The following CADM2 variants were observed in gnomAD, a reference collection of about 807,000 sequenced individuals.
CADM2 encodes the protein immunoglobulin superfamily member 4D.
Under a neutral mutation model 49.8 loss-of-function variants are expected in CADM2, and 12 were observed. The observed-to-expected ratio is 0.24, with a 90% confidence interval of 0.15 to 0.39. CADM2 has a LOEUF of 0.39. CADM2 is among the 10% of genes least tolerant of loss of function. The probability of loss-of-function intolerance (pLI) is 1.00; values close to 1 mark genes in which losing one functional copy is unlikely to be tolerated. For synonymous variants in CADM2, 214 were observed against 175.4 expected (o/e 1.22, Z -1.74); for missense variants, 378 against 492.3 (o/e 0.77, Z 2.20).
At chr3:85,384,032 G>T (rs556099242) in intron 1 of CADM2, among the ~76,000 whole-genome samples, 1 of 152,164 alleles carries the variant, frequency 6.6e-6, no homozygotes, top group South Asian at 2.1e-4. Flanking sequence ...TAAATAATTT[G>T]CAAATATTCA....
At chr3:85,786,572 G>GT (rs1229092080) in intron 2 of CADM2, among the ~76,000 whole-genome samples, 1 of 151,940 alleles carries the variant, frequency 6.6e-6, no homozygotes, top group Non-Finnish European at 1.5e-5. Context: ...ATTTTACATT[G>GT]TTTTTAAAAA....
At chr3:85,120,836 TA>T (rs59658579) in intron 1 of CADM2, among the ~76,000 whole-genome samples, 6 of 151,408 alleles carry the variant, frequency 4.0e-5, no homozygotes, top group African/African-American at 1.2e-4. Flanking sequence ...AAAATGAAAA[TA>T]AAAAAAAGAT....
chr3:85,746,093 G>C (rs1398790195), intron 2 of CADM2, among the ~76,000 whole-genome samples: 1 of 152,068 alleles, frequency 6.6e-6, no homozygotes, highest in Non-Finnish European at 1.5e-5. Flanking sequence ...TTAAAAGGAT[G>C]GAGTTTTTTA....
chr3:85,816,011 A>G (rs2073180601), intron 3 of CADM2, among the ~76,000 whole-genome samples: 1 of 152,212 alleles, frequency 6.6e-6, no homozygotes, highest in South Asian at 2.1e-4. Context: ...CTACTTGTGT[A>G]TAACAGGCAA....
intron 1 of CADM2, among the ~76,000 whole-genome samples, chr3:85,443,499 A>G (rs1053575362): frequency 1.3e-5 from 2 of 151,958 alleles, no homozygotes; most frequent in African/African-American, 4.8e-5. Context: ...TTCTTTCTCC[A>G]ACTCTTTCCA....
chr3:85,938,861 G>C (rs947343922), intron 7 of CADM2, among the ~76,000 whole-genome samples: 9 of 151,920 alleles, frequency 5.9e-5, no homozygotes, highest in Admixed American at 2.6e-4. Flanking sequence ...AATCAGGAAT[G>C]AATAGTGGCT....
chr3:85,628,580 C>CACATATATACATATATAT (rs1682900713), intron 1 of CADM2, among the ~76,000 whole-genome samples: 2 of 142,682 alleles, frequency 1.4e-5, no homozygotes, highest in African/African-American at 2.6e-5. Flanking sequence ...TATATACACA[C>CACATATATACATATATAT]ACATATATAT....
intron 1 of CADM2, among the ~76,000 whole-genome samples, chr3:84,990,419 T>G (rs2032816477): frequency 6.6e-6 from 1 of 151,830 alleles, no homozygotes; most frequent in African/African-American, 2.4e-5. Flanking sequence ...TTTTATTATA[T>G]TTCAATATAG....
At chr3:86,051,953 A>G (rs1449735367) in intron 8 of CADM2, among the ~76,000 whole-genome samples, 1 of 148,694 alleles carries the variant, frequency 6.7e-6, no homozygotes, top group African/African-American at 2.4e-5. Flanking sequence ...GATCTAAATC[A>G]TATCAGTGAC....
At chr3:85,224,358 G>A (rs1327853253) in intron 1 of CADM2, among the ~76,000 whole-genome samples, 1 of 152,172 alleles carries the variant, frequency 6.6e-6, no homozygotes, top group Non-Finnish European at 1.5e-5. Context: ...CAGCGATGAT[G>A]AGCATTTTTT....
intron 1 of CADM2, among the ~76,000 whole-genome samples, chr3:85,709,918 A>C (rs956972342): frequency 6.6e-6 from 1 of 152,096 alleles, no homozygotes; most frequent in Non-Finnish European, 1.5e-5. Flanking sequence ...TGTACGCTGT[A>C]AGTGCTGTAA....
chr3:84,967,565 G>C (rs1157881421), intron 1 of CADM2, among the ~76,000 whole-genome samples: 2 of 152,038 alleles, frequency 1.3e-5, no homozygotes, highest in Non-Finnish European at 2.9e-5. Flanking sequence ...TTTCTTTACT[G>C]CTCTCTATTT....
chr3:85,768,028 C>A (rs1337088928), intron 2 of CADM2, among the ~76,000 whole-genome samples: 7 of 152,042 alleles, frequency 4.6e-5, no homozygotes, highest in Non-Finnish European at 1.0e-4. Flanking sequence ...GATAATGTAT[C>A]TTTTTAAGTT....
chr3:85,194,934 C>G (rs530313667), intron 1 of CADM2, among the ~76,000 whole-genome samples: 1 of 151,944 alleles, frequency 6.6e-6, no homozygotes, highest in Admixed American at 6.6e-5. Context: ...AAATGAACTC[C>G]TGGGCTAAAG....
At chr3:85,885,642 A>G (rs1401936008) in intron 4 of CADM2, among the ~76,000 whole-genome samples, 1 of 144,896 alleles carries the variant, frequency 6.9e-6, no homozygotes, top group African/African-American at 2.6e-5. Flanking sequence ...AGATTGCACC[A>G]CTGCACTCCA....
At chr3:86,019,953 A>G (rs1231525384) in intron 8 of CADM2, among the ~76,000 whole-genome samples, 1 of 152,202 alleles carries the variant, frequency 6.6e-6, no homozygotes, top group East Asian at 1.9e-4. Flanking sequence ...GAGCAAACAC[A>G]TTCAAAAGCT....
chr3:85,535,109 G>A (rs1445995521), intron 1 of CADM2, among the ~76,000 whole-genome samples: 2 of 152,096 alleles, frequency 1.3e-5, no homozygotes, highest in Non-Finnish European at 2.9e-5. Flanking sequence ...TTACAGACTC[G>A]ATTGCACTTT....
chr3:85,316,093 T>C (rs2044458535), intron 1 of CADM2, among the ~76,000 whole-genome samples: 1 of 152,138 alleles, frequency 6.6e-6, no homozygotes, highest in Non-Finnish European at 1.5e-5. Flanking sequence ...TAAAGTTCAT[T>C]TGAAATAAAA....
At chr3:85,112,407 C>T (rs528010852) in intron 1 of CADM2, among the ~76,000 whole-genome samples, 4 of 150,306 alleles carry the variant, frequency 2.7e-5, no homozygotes, top group East Asian at 2.0e-4. Context: ...TTAAAGTACA[C>T]GTATAAGTAA....
Sources: gnomAD v4.1 joint callset for allele counts (sites outside exome capture counted in the v4.1 genomes callset) on GRCh38, gnomAD v4.1.1 for gene constraint, MANE v1.5 for transcripts, NCBI Gene and HGNC (gene_info 2026-07-23, HGNC 2026-07-21) for gene names.